Variants in ALDH1L1 observed in about 807,000 individuals in gnomAD.
ALDH1L1 encodes the protein aldehyde dehydrogenase 1 family member L1.
In ALDH1L1, 68 loss-of-function variants were observed where a neutral mutation model predicts 101.1. That is an observed-to-expected ratio of 0.67 (90% CI 0.55 to 0.82). The LOEUF is 0.82. ALDH1L1 is among the 40% of genes least tolerant of loss of function. The probability of loss-of-function intolerance (pLI) is 0.00; values close to 1 mark genes in which losing one functional copy is unlikely to be tolerated. For missense variants in ALDH1L1, 1,087 were observed against 1,172.7 expected (o/e 0.93, Z 1.07); for synonymous variants, 486 against 470.8 (o/e 1.03, Z -0.42).
chr3:126,186,640 C>T (rs1471683104), intron 1 of ALDH1L1, among the ~76,000 whole-genome samples: 1 of 151,748 alleles, frequency 6.6e-6, no homozygotes, highest in Non-Finnish European at 1.5e-5. Flanking sequence ...ACCCAGCTCC[C>T]TCCCTCACCT....
chr3:126,141,698 G>A (rs2080571672), intron 9 of ALDH1L1, among the ~76,000 whole-genome samples: 1 of 152,050 alleles, frequency 6.6e-6, no homozygotes, highest in African/African-American at 2.4e-5. Flanking sequence ...GAGAGGCGGG[G>A]AAAGTAGTGC....
At chr3:126,183,886 T>C (rs565356866), upstream of ALDH1L1, among the ~76,000 whole-genome samples, 1 of 152,184 alleles carries the variant, frequency 6.6e-6, no homozygotes, top group Non-Finnish European at 1.5e-5. Flanking sequence ...TACAGTGGGA[T>C]GAGGCTTTGA....
chr3:126,153,265 A>G (rs2108284697), intron 7 of ALDH1L1, 179 bp downstream of exon 7: 1 of 898,352 alleles, frequency 1.1e-6, no homozygotes, highest in South Asian at 1.4e-5. Context: ...ACTGCCTCGG[A>G]CACCCTGTGC....
intron 1 of ALDH1L1, among the ~76,000 whole-genome samples, chr3:126,172,875 T>C (rs552095115): frequency 3.4e-4 from 52 of 151,930 alleles, no homozygotes; most frequent in African/African-American, 1.1e-3. Flanking sequence ...ACCTTACCTA[T>C]AGAGGGAGAG....
chr3:126,188,973 C>T (rs921005528), intron 1 of ALDH1L1, among the ~76,000 whole-genome samples: 4 of 151,984 alleles, frequency 2.6e-5, no homozygotes, highest in African/African-American at 7.2e-5. Context: ...CTGTACAGTA[C>T]CCGACGTATT....
rs763623733 is a variant in ALDH1L1, at chr3:126,125,581, C to G, written c.1800+35G>C. On this transcript the variant is annotated intron_variant, in intron 15 of 22. Coordinates refer to ENST00000393434, the MANE Select transcript of ALDH1L1 (RefSeq NM_012190.4). ...AGTGAGTTCCTGATCCTCTCTGTGG[C>G]CTGCAGGCCCTGTCCAGAGTGAACC... 4.9e-6 allele frequency: 7 copies of G among 1,435,136 alleles called. No homozygotes were observed. The African/African-American group carries it at 1.0e-4, about 21-fold the overall frequency. 88.9% of individuals were successfully genotyped at this position (1,435,136 alleles called of 1,614,324 possible).
intron 1 of ALDH1L1, among the ~76,000 whole-genome samples, chr3:126,172,769 C>A (rs868172043): frequency 6.6e-6 from 1 of 151,312 alleles, no homozygotes; most frequent in Non-Finnish European, 1.5e-5. Context: ...CCCCACCCCC[C>A]AAAAAATCTA....
Position 126,192,222 on chromosome 3 carries a change from A to AT in ALDH1L1, c.-24+5512dup, listed in dbSNP as rs910295055. Among the ~76,000 whole-genome samples, 18 of 152,130 alleles carry AT rather than the reference A, an allele frequency of 1.2e-4. 1 individual carries two copies. Among genetic ancestry groups the AT allele is most frequent in the Admixed American group, 1.0e-3 (16 of 15,268 alleles). ...CCTCCTTGTGCATCCTTGTCCCTTG[A>AT]TTTTTTTTAACTGGTAAGACTGGAA... On this transcript the variant is annotated intron_variant, in intron 1 of 2. Coordinates refer to the ALDH1L1 transcript ENST00000509952.
intron 19 of ALDH1L1, among the ~76,000 whole-genome samples, chr3:126,112,359 C>T (rs187501543): frequency 2.0e-5 from 3 of 152,240 alleles, no homozygotes; most frequent in East Asian, 1.9e-4. Flanking sequence ...TAGGGGGATT[C>T]GTGCTCCAGG....
At chr3:126,142,383 A>G (rs1175929405) in intron 9 of ALDH1L1, among the ~76,000 whole-genome samples, 1 of 152,230 alleles carries the variant, frequency 6.6e-6, no homozygotes, top group Non-Finnish European at 1.5e-5. Flanking sequence ...CCAGACAAAG[A>G]TACTACAGCA....
rs909738731 is a variant in ALDH1L1, at chr3:126,103,904, G to A, written c.2654-58C>T. 7.0e-6 allele frequency: 11 copies of A among 1,580,544 alleles called. No homozygotes were observed. The African/African-American group carries it at 9.4e-5, about 14-fold the overall frequency. ...CACCACAGGCAGGGCACTGCTCGGG[G>A]CTGCAAGTGTCTTATTCCTCAGCAA... On this transcript the variant is annotated intron_variant, in intron 22 of 22. Coordinates refer to ENST00000393434, the MANE Select transcript of ALDH1L1 (RefSeq NM_012190.4).
At position 126,157,426 on chromosome 3, in the gene ALDH1L1, G is replaced by A; in HGVS notation, c.445C>T (p.Gln149Ter). ...DGLDTGDLLLQKECEVLPDDT... is the reference protein window; with the variant it reads ...DGLDTGDLLL Reference sequence around the variant, plus strand: ...TCCGGGAGCACCTCACACTCCTTCTGCAGCAGCAGGTCTCCGGTGTCCAGA... The same window carrying A: ...TCCGGGAGCACCTCACACTCCTTCTACAGCAGCAGGTCTCCGGTGTCCAGA... The change falls in exon 4 of 23, where the codon CAG becomes TAG. Residue 149 changes from glutamine (Q) to a stop codon, truncating the protein, a stop_gained. Transcript: ENST00000393434. LOFTEE classifies it high-confidence loss of function. The A allele has an allele frequency of 6.2e-7, 1 of 1,614,152 alleles. No homozygotes were observed. The highest frequency in any genetic ancestry group is 8.5e-7 in the Non-Finnish European group (1 of 1,180,012).
Position 126,155,522 on chromosome 3 carries a change from T to C in ALDH1L1, c.529-19A>G. ...CCTGCACCTGGGGAGATCCAGTGGG[T>C]TGCTATCCCCAGCAATAGGACCCTG... is the stretch of plus-strand genomic sequence containing the variant. On this transcript the variant is annotated intron_variant, in intron 4 of 22. Coordinates refer to ENST00000393434, the MANE Select transcript of ALDH1L1 (RefSeq NM_012190.4). 1.2e-6 allele frequency: 2 copies of C among 1,601,592 alleles called. No homozygotes were observed. Among genetic ancestry groups the C allele is most frequent in the African/African-American group, 1.3e-5 (1 of 74,754 alleles).
Position 126,103,802 on chromosome 3 carries a change from A to C in ALDH1L1, c.2698T>G (p.Phe900Val). 1 of 1,613,724 alleles carries C rather than the reference A, an allele frequency of 6.2e-7. No individual in the cohort carries two copies. The highest frequency in any genetic ancestry group is 8.5e-7 in the Non-Finnish European group (1 of 1,179,872). ...NEYLRVKTVT[F>V]EY ...ACAAAGACCTTTCTTCAGTATTCGAAGGTCACTGTCTTGACCCGCAGGTAC... is the reference window on the plus strand; with the variant it reads ...ACAAAGACCTTTCTTCAGTATTCGACGGTCACTGTCTTGACCCGCAGGTAC... The change falls in exon 23 of 23, where the codon TTC becomes GTC. Residue 900 changes from phenylalanine (F) to valine (V), a missense_variant. Coordinates refer to ENST00000393434, the MANE Select transcript of ALDH1L1 (RefSeq NM_012190.4).
At chr3:126,160,267 T>G (rs2081015078) in intron 2 of ALDH1L1, 1 of 152,740 alleles carries the variant, frequency 6.5e-6, no homozygotes, top group African/African-American at 2.4e-5. Context: ...TTTTTTCTTT[T>G]CTTTTACAAA....
chr3:126,137,014 G>T, intron 10 of ALDH1L1, 131 bp from the exon 11 acceptor site: 1 of 1,324,850 alleles, frequency 7.5e-7, no homozygotes, highest in Non-Finnish European at 1.0e-6. Context: ...GTAGGCAACA[G>T]CTGAGCAGGG....
intron 1 of ALDH1L1, among the ~76,000 whole-genome samples, chr3:126,172,707 CCA>C (rs149412359): frequency 0.26 from 39,977 of 151,600 alleles, 6,474 homozygotes; most frequent in African/African-American, 0.47. Context: ...AAGACAGATA[CCA>C]AACCAAGATC....
In ALDH1L1 at chr3:126,158,754, C is replaced by T. The variant is rs960748964; in HGVS notation, c.128-115G>A. 4.9e-5 allele frequency: 48 copies of T among 974,602 alleles called. No individual in the cohort carries two copies. The African/African-American group carries it at 6.8e-4, about 14-fold the overall frequency. 60.4% of individuals were successfully genotyped at this position (974,602 alleles called of 1,614,324 possible). ...CTTCTCTCCATTCCTGCCCCCTCACCCACACCCCAGCCAGGCTCCACTGGG... is the reference window on the plus strand; with the variant it reads ...CTTCTCTCCATTCCTGCCCCCTCACTCACACCCCAGCCAGGCTCCACTGGG... On this transcript the variant is annotated intron_variant, in intron 2 of 22. Transcript: ENST00000393434.
chr3:126,176,518 T>C (rs1340311288), intron 1 of ALDH1L1, among the ~76,000 whole-genome samples: 2 of 152,108 alleles, frequency 1.3e-5, no homozygotes, highest in African/African-American at 4.8e-5. Context: ...AGCCCAGAAG[T>C]AAACTCACAT....
Sources: gnomAD v4.1 joint callset for allele counts (sites outside exome capture counted in the v4.1 genomes callset) on GRCh38, gnomAD v4.1.1 for gene constraint, MANE v1.5 for transcripts, NCBI Gene and HGNC (gene_info 2026-07-23, HGNC 2026-07-21) for gene names.